HAUS1: variants seen among roughly 807,000 people sequenced by gnomAD.
The protein encoded by HAUS1 is HAUS augmin-like complex subunit 1.
Under a neutral mutation model 38.6 loss-of-function variants are expected in HAUS1, and 25 were observed. The observed-to-expected ratio is 0.65, with a 90% CI of 0.47 to 0.91. HAUS1 has a LOEUF of 0.91. Ranked by LOEUF, HAUS1 falls within the 40% of genes least tolerant of loss-of-function variation. HAUS1 has a pLI of 0.00. For synonymous variants in HAUS1, 109 were observed against 112.9 expected (o/e 0.97, Z 0.22); for missense variants, 325 against 328.4 (o/e 0.99, Z 0.08).
chr18:46,107,009 T>C (rs1395356420), intron 2 of HAUS1, among the ~76,000 whole-genome samples: 2 of 151,098 alleles, frequency 1.3e-5, no homozygotes, highest in African/African-American at 4.9e-5. Flanking sequence ...AGTGAGACTC[T>C]CTCAACAACA....
intron 2 of HAUS1, among the ~76,000 whole-genome samples, chr18:46,108,589 C>T (rs748498976): frequency 2.0e-5 from 3 of 152,176 alleles, no homozygotes; most frequent in Non-Finnish European, 4.4e-5. Flanking sequence ...TTTCCCTCCA[C>T]ATACCATTTG....
At chr18:46,122,720 A>G (rs1221789727) in intron 5 of HAUS1, 130 bp downstream of exon 5, 8 of 956,044 alleles carry the variant, frequency 8.4e-6, no homozygotes, top group Non-Finnish European at 1.3e-5. Context: ...GTTGCCCAAG[A>G]TTACATAGCT....
chr18:46,115,650 G>A (rs1911779496), intron 2 of HAUS1, among the ~76,000 whole-genome samples: 1 of 151,806 alleles, frequency 6.6e-6, no homozygotes, highest in African/African-American at 2.4e-5. Context: ...TAAAAAATAT[G>A]AGCTAAACCT....
chr18:46,124,999 C>G, intron 7 of HAUS1, 106 bp downstream of exon 7: 1 of 623,742 alleles, frequency 1.6e-6, no homozygotes, highest in Non-Finnish European at 2.9e-6. Context: ...GTGGCTCACG[C>G]CTGTAATCCC....
At position 46,104,426 on chromosome 18, in the gene HAUS1, G is replaced by A. The variant is rs1263305147; in HGVS notation, c.15G>A (p.Glu5=). 4 of 1,467,724 alleles carry A rather than the reference G, an allele frequency of 2.7e-6. No homozygotes were observed. The South Asian group carries it at 4.1e-5, about 15-fold the overall frequency. The allele number at this position is 1,467,724 out of a possible 1,614,324, so 90.9% of individuals were successfully genotyped here. A position where few individuals can be genotyped will look rare whatever the true frequency, so the allele number is the denominator to read the frequency against. The change falls in exon 1 of 9, where the codon GAG becomes GAA. Residue 5 remains glutamate (E), a synonymous_variant. Transcript: ENST00000282058. The part of the protein sequence containing the change: MEPQ[E]ERETQVAAWL... ...GAGCCGCAGCTATGGAGCCGCAGGAGGAGAGAGAAACGCAGGTGATGGGGC... is the reference window on the plus strand; with the variant it reads ...GAGCCGCAGCTATGGAGCCGCAGGAAGAGAGAGAAACGCAGGTGATGGGGC...
intron 3 of HAUS1, among the ~76,000 whole-genome samples, chr18:46,119,687 G>T (rs1160719318): frequency 6.6e-6 from 1 of 152,216 alleles, no homozygotes; most frequent in East Asian, 1.9e-4. Flanking sequence ...CACAGAGAAG[G>T]AGGTAGTTAA....
chr18:46,105,136 T>C (rs1433892996), intron 1 of HAUS1, 58 bp from the exon 2 acceptor site: 3 of 1,293,996 alleles, frequency 2.3e-6, no homozygotes, highest in Non-Finnish European at 3.2e-6. Context: ...TGTCATATTC[T>C]CATCGAGCCA....
At chr18:46,105,428 C>T in intron 2 of HAUS1, 60 bp downstream of exon 2, 1 of 1,392,720 alleles carries the variant, frequency 7.2e-7, no homozygotes, top group Admixed American at 2.1e-5. Context: ...TTTTATAACA[C>T]TAAAGTATAC....
chr18:46,110,899 T>G (rs1911614583), intron 2 of HAUS1, among the ~76,000 whole-genome samples: 1 of 149,568 alleles, frequency 6.7e-6, no homozygotes, highest in Non-Finnish European at 1.5e-5. Flanking sequence ...TTTTTTTTTT[T>G]TTTTTGAGAC....
At position 46,104,411 on chromosome 18, in the gene HAUS1, T is replaced by C. The variant is rs1911392859; in HGVS notation, c.-1T>C. 1.4e-6 allele frequency: 2 copies of C among 1,459,776 alleles called. No homozygotes were observed. Among genetic ancestry groups the C allele is most frequent in the South Asian group, 1.4e-5 (1 of 71,966 alleles). 90.4% of individuals were successfully genotyped at this position (1,459,776 alleles called of 1,614,324 possible). On this transcript the variant is annotated 5_prime_UTR_variant, in exon 1 of 9. Coordinates refer to ENST00000282058, the MANE Select transcript of HAUS1 (RefSeq NM_138443.4). Reference sequence around the variant, plus strand: ...CTAGTAAAGTGGCGGGAGCCGCAGCTATGGAGCCGCAGGAGGAGAGAGAAA... The same window carrying C: ...CTAGTAAAGTGGCGGGAGCCGCAGCCATGGAGCCGCAGGAGGAGAGAGAAA...
chr18:46,104,858 A>G (rs1395290738), intron 1 of HAUS1, among the ~76,000 whole-genome samples: 1 of 152,156 alleles, frequency 6.6e-6, no homozygotes, highest in East Asian at 1.9e-4. Context: ...TTTTCAGACC[A>G]TGCACGGTCT....
chr18:46,115,279 C>T (rs116510209), intron 2 of HAUS1: 10,273 of 152,014 alleles, frequency 0.068, 459 homozygotes, highest in African/African-American at 0.13. Context: ...TGCCAAATGG[C>T]GAAACCCCAT....
chr18:46,128,328 C>T lies in HAUS1; in HGVS notation c.*203C>T. 2.3e-6 allele frequency: 1 copy of T among 431,944 alleles called. No homozygotes were observed. Among genetic ancestry groups the T allele is most frequent in the East Asian group, 3.8e-5 (1 of 26,376 alleles). The allele number at this position is 431,944 out of a possible 1,614,324, so 26.8% of individuals were successfully genotyped here. On this transcript the variant is annotated 3_prime_UTR_variant, in exon 9 of 9. Coordinates refer to ENST00000282058, the MANE Select transcript of HAUS1 (RefSeq NM_138443.4). ...TAGTTTTCATATTAAAAAGCCTTTTCTCTTACTTTGTTTCTGTGTGGTTGG... is the reference window on the plus strand; with the variant it reads ...TAGTTTTCATATTAAAAAGCCTTTTTTCTTACTTTGTTTCTGTGTGGTTGG...
chr18:46,110,554 G>C (rs1167156070), intron 2 of HAUS1, among the ~76,000 whole-genome samples: 2 of 151,760 alleles, frequency 1.3e-5, no homozygotes, highest in East Asian at 3.9e-4. Flanking sequence ...TGTTCGCCAG[G>C]CTGGTCTTGA....
chr18:46,121,537 A>G (rs561479461), intron 4 of HAUS1: 7 of 152,162 alleles, frequency 4.6e-5, no homozygotes, highest in Non-Finnish European at 1.0e-4. Context: ...TTAGGTTGAA[A>G]TAAACTATAC....
At chr18:46,105,544 A>C in intron 2 of HAUS1, 176 bp downstream of exon 2, 1 of 500,930 alleles carries the variant, frequency 2.0e-6, no homozygotes, top group Non-Finnish European at 3.4e-6. Context: ...ATATATATGT[A>C]TATGTATGTG....
At position 46,119,786 on chromosome 18, in the gene HAUS1, A is replaced by T. The variant is rs1371183339; in HGVS notation, c.342-140A>T. The T allele has an allele frequency of 7.8e-6, 5 of 638,304 alleles. No individual in the cohort carries two copies. The East Asian group carries it at 1.2e-4, about 15-fold the overall frequency. The allele number at this position is 638,304 out of a possible 1,614,324, so 39.5% of individuals were successfully genotyped here. On this transcript the variant is annotated intron_variant, in intron 3 of 8. Transcript: ENST00000282058. The stretch of plus-strand genomic sequence containing the variant: ...GAAGGGCATTCCAGGCAATGGGAAC[A>T]GTGTGTAAAAAAAGGCATAAAGGTA...
intron 1 of HAUS1, among the ~76,000 whole-genome samples, chr18:46,104,864 G>T (rs540326981): frequency 1.3e-5 from 2 of 151,314 alleles, no homozygotes; most frequent in Non-Finnish European, 2.9e-5. Context: ...GACCATGCAC[G>T]GTCTAATAAT....
intron 2 of HAUS1, among the ~76,000 whole-genome samples, chr18:46,117,735 G>A (rs992466392): frequency 6.6e-6 from 1 of 152,098 alleles, no homozygotes; most frequent in Non-Finnish European, 1.5e-5. Context: ...ACGAGGTCAG[G>A]AGTTTGAGAC....
Sources: allele counts gnomAD v4.1 joint callset (sites outside exome capture counted in the v4.1 genomes callset), GRCh38; gene constraint gnomAD v4.1.1; transcripts MANE v1.5; gene names NCBI Gene and HGNC (gene_info 2026-07-23, HGNC 2026-07-21).